Variants in CSMD3 observed in about 807,000 individuals in gnomAD.
The protein encoded by CSMD3 is CUB and Sushi multiple domains 3, also known as CUB and sushi domain-containing protein 3.
Under a neutral mutation model 435.2 loss-of-function variants are expected in CSMD3, and 177 were observed. That is an observed-to-expected ratio of 0.41 (90% confidence interval 0.36 to 0.46). The LOEUF is 0.46. CSMD3 is among the 20% of genes least tolerant of loss of function. The pLI is 0.34. For missense variants in CSMD3, 4,265 were observed against 4,504.6 expected (o/e 0.95, Z 1.52); for synonymous variants, 1,656 against 1,520.5 (o/e 1.09, Z -2.07).
chr8:113,346,085 T>C (rs533265862), intron 1 of CSMD3, among the ~76,000 whole-genome samples: 9 of 152,236 alleles, frequency 5.9e-5, no homozygotes, highest in Admixed American at 3.3e-4. Context: ...CAAGGTATTT[T>C]GTCATTTACC....
At chr8:112,859,027 T>C (rs1587495779) in intron 11 of CSMD3, 118 bp downstream of exon 11, 2 of 909,816 alleles carry the variant, frequency 2.2e-6, no homozygotes, top group East Asian at 2.5e-5. Context: ...GTAGGGAATA[T>C]TGCGCCAAAA....
chr8:112,751,925 C>T (rs985878597), intron 13 of CSMD3, among the ~76,000 whole-genome samples: 4 of 152,074 alleles, frequency 2.6e-5, no homozygotes, highest in African/African-American at 9.7e-5. Context: ...TACTTGAGCA[C>T]TAAATTCTCT....
intron 6 of CSMD3, among the ~76,000 whole-genome samples, chr8:113,016,640 T>C (rs892564711): frequency 1.3e-5 from 2 of 151,872 alleles, no homozygotes; most frequent in African/African-American, 2.4e-5. Flanking sequence ...GGTAAATATA[T>C]GAGTTATTTA....
chr8:112,968,722 T>C, intron 7 of CSMD3, among the ~76,000 whole-genome samples: 1 of 151,980 alleles, frequency 6.6e-6, no homozygotes, highest in East Asian at 1.9e-4. Context: ...ACTTTTTCTT[T>C]GGGAATAAAC....
intron 43 of CSMD3, among the ~76,000 whole-genome samples, chr8:112,337,250 T>C (rs1184531391): frequency 6.6e-6 from 1 of 152,136 alleles, no homozygotes; most frequent in Non-Finnish European, 1.5e-5. Context: ...TATGTAAGAA[T>C]GACTTAAATG....
chr8:112,308,076 A>G (rs548562106), intron 50 of CSMD3, among the ~76,000 whole-genome samples: 2 of 152,294 alleles, frequency 1.3e-5, no homozygotes, highest in Admixed American at 6.5e-5. Context: ...CCTGTAAATT[A>G]TGAACAGAAA....
chr8:113,040,947 T>C (rs752495792), intron 5 of CSMD3, among the ~76,000 whole-genome samples: 21 of 152,046 alleles, frequency 1.4e-4, no homozygotes, highest in Non-Finnish European at 2.4e-4. Flanking sequence ...CTCACACCTG[T>C]AATCCCAGCA....
At chr8:113,010,749 T>G (rs944087612) in intron 6 of CSMD3, among the ~76,000 whole-genome samples, 5 of 151,728 alleles carry the variant, frequency 3.3e-5, no homozygotes, top group African/African-American at 1.2e-4. Context: ...TATTGAACAC[T>G]GTCTTAAAAT....
chr8:113,148,930 T>C (rs1163130254), intron 4 of CSMD3, among the ~76,000 whole-genome samples: 1 of 151,800 alleles, frequency 6.6e-6, no homozygotes, highest in East Asian at 1.9e-4. Flanking sequence ...AGTATATACA[T>C]GTTTATGCAC....
chr8:112,495,222 G>T (rs948211975), intron 30 of CSMD3, among the ~76,000 whole-genome samples: 2 of 152,232 alleles, frequency 1.3e-5, no homozygotes, highest in African/African-American at 4.8e-5. Context: ...CAGAAACCTG[G>T]CATTTATAGC....
At chr8:112,468,964 C>T (rs1047191820) in intron 32 of CSMD3, among the ~76,000 whole-genome samples, 1 of 151,858 alleles carries the variant, frequency 6.6e-6, no homozygotes. Flanking sequence ...CTCATGAAAA[C>T]ATTATGAATT....
intron 2 of CSMD3, among the ~76,000 whole-genome samples, chr8:113,284,823 G>A (rs1024174107): frequency 1.6e-4 from 24 of 152,112 alleles, no homozygotes; most frequent in South Asian, 4.2e-4. Context: ...TATTCCCTCC[G>A]CGTTGATGCA....
At chr8:113,089,151 C>T (rs1358283449) in intron 5 of CSMD3, among the ~76,000 whole-genome samples, 8 of 152,100 alleles carry the variant, frequency 5.3e-5, no homozygotes, top group Admixed American at 3.9e-4. Context: ...TGATGTACTA[C>T]TTTTCTTTTC....
intron 3 of CSMD3, among the ~76,000 whole-genome samples, chr8:113,184,630 GC>G (rs1478123663): frequency 6.6e-6 from 1 of 151,994 alleles, no homozygotes; most frequent in Non-Finnish European, 1.5e-5. Context: ...AAAACGTATG[GC>G]CAAATCACTA....
chr8:112,795,382 A>G (rs902264009), intron 13 of CSMD3, among the ~76,000 whole-genome samples: 1 of 152,178 alleles, frequency 6.6e-6, no homozygotes, highest in African/African-American at 2.4e-5. Flanking sequence ...GTGTCAATGG[A>G]TACAGAAAAA....
intron 13 of CSMD3, among the ~76,000 whole-genome samples, chr8:112,709,600 C>A (rs1293700032): frequency 6.6e-6 from 1 of 152,012 alleles, no homozygotes; most frequent in African/African-American, 2.4e-5. Flanking sequence ...TTATAAAATT[C>A]TAGTCCTTTC....
At position 112,451,347 on chromosome 8, in the gene CSMD3, G is replaced by A. The variant is rs551163676; in HGVS notation, c.5395+21244C>T. On this transcript the variant is annotated intron_variant, in intron 32 of 70. Coordinates refer to ENST00000297405, the MANE Select transcript of CSMD3 (RefSeq NM_198123.2). ...ATGGCACGTGTTTTTAAAAGATTAT[G>A]GAAGTATCATGGAAACATGAAATGA... Among the ~76,000 whole-genome samples the A allele has an allele frequency of 9.0e-4, 136 of 151,796 alleles. 2 individuals carry two copies. The highest frequency in any genetic ancestry group is 3.1e-3 in the African/African-American group (130 of 41,392).
At chr8:113,236,791 T>C (rs913186122) in intron 3 of CSMD3, among the ~76,000 whole-genome samples, 1 of 152,134 alleles carries the variant, frequency 6.6e-6, no homozygotes, top group Admixed American at 6.5e-5. Flanking sequence ...ATTCCTCTAA[T>C]AACCGCCTCT....
At chr8:112,645,328 C>T (rs1316817033) in intron 19 of CSMD3, 103 bp from the exon 20 acceptor site, 4 of 751,944 alleles carry the variant, frequency 5.3e-6, no homozygotes, top group Non-Finnish European at 9.8e-6. Context: ...ATTATCTTTG[C>T]TTATGCTACC....
Sources: allele counts gnomAD v4.1 joint callset (sites outside exome capture counted in the v4.1 genomes callset), GRCh38; gene constraint gnomAD v4.1.1; transcripts MANE v1.5; gene names NCBI Gene and HGNC (gene_info 2026-07-23, HGNC 2026-07-21).